The following POMP variants were observed in gnomAD, a reference collection of about 807,000 sequenced individuals.
POMP encodes 2510048O06Rik.
In POMP, 12 loss-of-function variants were observed where a neutral mutation model predicts 20.6. That is an observed-to-expected ratio of 0.58 (90% CI 0.37 to 0.94). The LOEUF (loss-of-function observed/expected upper bound fraction) is 0.94. Ranked by LOEUF, POMP falls within the 40% of genes least tolerant of loss-of-function variation. POMP has a pLI of 0.01. For synonymous variants in POMP, 53 were observed against 55.0 expected (o/e 0.96, Z 0.16); for missense variants, 136 against 161.1 (o/e 0.84, Z 0.84).
rs202053075 is a variant in POMP at position 28,674,682 on chromosome 13, C to CA, written c.358+2257dup. 9.5e-3 allele frequency among the ~76,000 whole-genome samples: 1,444 copies of CA among 151,784 alleles called. 23 individuals are homozygous for CA. Among genetic ancestry groups the CA allele is most frequent in the African/African-American group, 0.033 (1,386 of 41,422 alleles). On this transcript the variant is annotated intron_variant, in intron 5 of 5. Transcript: ENST00000380842. The stretch of plus-strand genomic sequence containing the variant: ...AGAAGTTTAGAATTTCTTCAGAATG[C>CA]AAAAAAAGGCCATTGAGCAGTTTTA...
rs113267509 is a variant in POMP at position 28,671,635 on chromosome 13, C to CTT, written c.265-694_265-693dup. ...TGTTTCTTCCTCTTCCTCCCACTTC[C>CTT]TTTTTTTTTTTAGGTTTGACAATCT... On this transcript the variant is annotated intron_variant, in intron 4 of 5. Transcript: ENST00000380842. Among the ~76,000 whole-genome samples, 438 of 143,644 alleles carry CTT rather than the reference C, an allele frequency of 3.0e-3. 3 individuals are homozygous for CTT. Among genetic ancestry groups the CTT allele is most frequent in the African/African-American group, 0.011 (424 of 39,410 alleles). The allele number at this position is 143,644 out of a possible 152,430, so 94.2% of individuals were successfully genotyped here. A position where few individuals can be genotyped will look rare whatever the true frequency, so the allele number is the denominator to read the frequency against.
chr13:28,672,466 T>G, intron 5 of POMP, 34 bp downstream of exon 5: 4 of 1,492,846 alleles, frequency 2.7e-6, no homozygotes, highest in Non-Finnish European at 3.7e-6. Context: ...TATGGAGCCC[T>G]TGTAATTTAA....
At chr13:28,660,304 C>G (rs1208304134) in intron 1 of POMP, among the ~76,000 whole-genome samples, 1 of 152,154 alleles carries the variant, frequency 6.6e-6, no homozygotes, top group Non-Finnish European at 1.5e-5. Context: ...TCAGTAGAGG[C>G]CATATTTGAG....
intron 5 of POMP, among the ~76,000 whole-genome samples, chr13:28,674,128 C>T (rs1034797804): frequency 5.3e-5 from 8 of 152,154 alleles, no homozygotes; most frequent in Admixed American, 6.5e-5. Context: ...GAACTCTGAA[C>T]GGTTTGAGAT....
chr13:28,668,647 T>TTTA lies in POMP; in HGVS notation c.264+75_264+77dup. 2.6e-6 allele frequency: 3 copies of TTTA among 1,170,422 alleles called. No individual in the cohort carries two copies. In the South Asian group the frequency reaches 3.7e-5, roughly 15 times the overall value. The allele number at this position is 1,170,422 out of a possible 1,614,324, so 72.5% of individuals were successfully genotyped here. A position where few individuals can be genotyped will look rare whatever the true frequency, so the allele number is the denominator to read the frequency against. On this transcript the variant is annotated intron_variant, in intron 4 of 5. Coordinates refer to ENST00000380842, the MANE Select transcript of POMP (RefSeq NM_015932.6). ...GAATCTTCTGTTTTCATAACAGCTA[T>TTTA]TTATACCTTATCTACCTTACAACCT...
chr13:28,675,075 C>T (rs1884606991), intron 5 of POMP, among the ~76,000 whole-genome samples: 1 of 151,900 alleles, frequency 6.6e-6, no homozygotes, highest in African/African-American at 2.4e-5. Flanking sequence ...ATCTTGTGGG[C>T]ATCTTTTAAA....
intron 4 of POMP, 102 bp from the exon 5 acceptor site, chr13:28,672,237 G>T (rs372262784): frequency 6.0e-6 from 6 of 1,006,192 alleles, no homozygotes; most frequent in South Asian, 1.3e-5. Context: ...TTGGTTTTGC[G>T]AATTTTCAAA....
At chr13:28,659,452 C>T (rs544153471) in intron 1 of POMP, among the ~76,000 whole-genome samples, 2 of 152,322 alleles carry the variant, frequency 1.3e-5, no homozygotes, top group South Asian at 2.1e-4. Flanking sequence ...ATCCCTTAGA[C>T]CCCAGCAGGC....
intron 4 of POMP, among the ~76,000 whole-genome samples, chr13:28,670,462 C>T (rs1257002945): frequency 6.6e-6 from 1 of 152,200 alleles, no homozygotes; most frequent in African/African-American, 2.4e-5. Context: ...CTGCAACACT[C>T]ATCCCTGCTG....
intron 5 of POMP, among the ~76,000 whole-genome samples, chr13:28,675,829 G>A (rs1346736487): frequency 6.6e-6 from 1 of 152,180 alleles, no homozygotes; most frequent in Non-Finnish European, 1.5e-5. Flanking sequence ...AGGGGGGCCA[G>A]TGAATTATAT....
chr13:28,677,986 A>G (rs368801403), intron 5 of POMP, 49 bp from the exon 6 acceptor site: 39 of 1,541,864 alleles, frequency 2.5e-5, no homozygotes, highest in African/African-American at 1.9e-4. Flanking sequence ...CATTGAATGT[A>G]TCTCTTTTTT....
intron 2 of POMP, among the ~76,000 whole-genome samples, 163 bp downstream of exon 2, chr13:28,662,670 G>A (rs1281114583): frequency 1.3e-5 from 2 of 152,222 alleles, no homozygotes; most frequent in African/African-American, 2.4e-5. Context: ...ATTTTCTGTA[G>A]TGGAAGAGGT....
chr13:28,664,481 A>G (rs1286938546), intron 2 of POMP, 28 bp from the exon 3 acceptor site: 3 of 1,471,054 alleles, frequency 2.0e-6, no homozygotes, highest in East Asian at 2.3e-5. Flanking sequence ...AATCTCCTCT[A>G]AATGTTTTTT....
In POMP at chr13:28,678,363, TATAAA is replaced by T; in HGVS notation, c.*264_*268del. The T allele has an allele frequency of 2.3e-6, 1 of 425,892 alleles. No individual in the cohort carries two copies. The highest frequency in any genetic ancestry group is 4.3e-6 in the Non-Finnish European group (1 of 234,724). The allele number at this position is 425,892 out of a possible 1,614,324, so 26.4% of individuals were successfully genotyped here. A position where few individuals can be genotyped will look rare whatever the true frequency, so the allele number is the denominator to read the frequency against. On this transcript the variant is annotated 3_prime_UTR_variant, in exon 6 of 6. Transcript: ENST00000380842. Reference sequence around the variant, plus strand: ...TAAAAAAGTTGTTGCTCATGAATATTATAAAATGATCTACAGGTTTCAATTCAACC... The same window carrying T: ...TAAAAAAGTTGTTGCTCATGAATATTATGATCTACAGGTTTCAATTCAACC...
intron 1 of POMP, among the ~76,000 whole-genome samples, chr13:28,660,290 A>C (rs561367565): frequency 1.3e-5 from 2 of 152,208 alleles, no homozygotes; most frequent in South Asian, 4.1e-4. Context: ...AAATCCATAC[A>C]CAGTCAGTAG....
At chr13:28,661,602 GA>G (rs1369307483) in intron 1 of POMP, among the ~76,000 whole-genome samples, 1 of 152,214 alleles carries the variant, frequency 6.6e-6, no homozygotes, top group Non-Finnish European at 1.5e-5. Context: ...CAGAGTACCT[GA>G]CACATAGTAG....
chr13:28,676,085 A>G (rs1347848759), intron 5 of POMP, among the ~76,000 whole-genome samples: 3 of 151,986 alleles, frequency 2.0e-5, no homozygotes, highest in Non-Finnish European at 4.4e-5. Flanking sequence ...GCTCACTGCA[A>G]GCTCTGCCTC....
At chr13:28,670,706 A>T (rs1356060546) in intron 4 of POMP, among the ~76,000 whole-genome samples, 1 of 152,100 alleles carries the variant, frequency 6.6e-6, no homozygotes, top group Admixed American at 6.5e-5. Context: ...CATTTCTCCT[A>T]CTGGTGCAGA....
intron 4 of POMP, among the ~76,000 whole-genome samples, chr13:28,671,581 G>T (rs77906977): frequency 0.016 from 2,427 of 150,432 alleles, 60 homozygotes; most frequent in African/African-American, 0.055. Flanking sequence ...ACCCCTTGCT[G>T]TCTGGTTTAA....
Sources: gnomAD v4.1 joint callset for allele counts (sites outside exome capture counted in the v4.1 genomes callset) on GRCh38, gnomAD v4.1.1 for gene constraint, MANE v1.5 for transcripts, NCBI Gene and HGNC (gene_info 2026-07-23, HGNC 2026-07-21) for gene names.